The following PLCZ1 variants were observed in gnomAD, a reference collection of about 807,000 sequenced individuals.
PLCZ1 encodes 1-phosphatidylinositol 4,5-bisphosphate phosphodiesterase zeta-1.
Under a neutral mutation model 76.8 loss-of-function variants are expected in PLCZ1, and 64 were observed. The observed-to-expected ratio is 0.83, with a 90% CI of 0.68 to 1.03. The LOEUF (loss-of-function observed/expected upper bound fraction) is 1.03. Ranked by LOEUF, PLCZ1 falls within the 50% of genes least tolerant of loss-of-function variation. The probability of loss-of-function intolerance (pLI) is 0.00; values close to 1 mark genes in which losing one functional copy is unlikely to be tolerated. For missense variants in PLCZ1, 751 were observed against 713.7 expected, an observed-to-expected ratio of 1.05 and a Z score of -0.60; for synonymous variants, 248 against 230.8, an observed-to-expected ratio of 1.07 and a Z score of -0.68.
intron 7 of PLCZ1, among the ~76,000 whole-genome samples, chr12:18,703,786 A>C (rs1050866652): frequency 1.3e-5 from 2 of 152,192 alleles, no homozygotes; most frequent in African/African-American, 4.8e-5. Context: ...TGTGTGTCCC[A>C]GAAAGCTACC....
chr12:18,720,902 T>C (rs1028332045), intron 4 of PLCZ1, among the ~76,000 whole-genome samples: 1 of 152,052 alleles, frequency 6.6e-6, no homozygotes, highest in African/African-American at 2.4e-5. Context: ...TGTAAGTAAA[T>C]GTTATGACAT....
intron 12 of PLCZ1, among the ~76,000 whole-genome samples, chr12:18,690,380 T>C (rs1953890076): frequency 6.6e-6 from 1 of 152,058 alleles, no homozygotes; most frequent in Non-Finnish European, 1.5e-5. Context: ...GATGCCACCA[T>C]GCCCAGCTAA....
chr12:18,701,695 G>T lies in PLCZ1; in HGVS notation c.946C>A (p.Arg316Ser), dbSNP rs751593977. Residue 316 changes from arginine (R) to serine (S), a missense_variant, in exon 8 of 15, where the codon CGT becomes AGT. By Grantham distance (110) the Arg-to-Ser change is moderately radical. Coordinates refer to ENST00000266505, the MANE Select transcript of PLCZ1 (RefSeq NM_033123.4). ...TCTTCCCATTCCTCCACCTTACCAC[G>T]CTTATCAGAACCTTTTCTTTCATGG... is the stretch of plus-strand genomic sequence containing the variant. ...ETHERKGSDK[R>S]GDNQDKETGV... 4.4e-6 allele frequency: 7 copies of T among 1,606,930 alleles called. No individual in the cohort carries two copies. Among genetic ancestry groups the T allele is most frequent in the South Asian group, 2.2e-5 (2 of 90,766 alleles).
rs746786531 is a variant in PLCZ1 at position 18,736,254 on chromosome 12, C to A, written c.102G>T (p.Arg34=). The A allele has an allele frequency of 6.2e-7, 1 of 1,612,726 alleles. No homozygotes were observed. Among genetic ancestry groups the A allele is most frequent in the Non-Finnish European group, 8.5e-7 (1 of 1,179,222 alleles). Residue 34 remains arginine (R), a synonymous_variant, in exon 3 of 15, where the codon CGG becomes CGT. Transcript: ENST00000266505. The part of the protein sequence containing the change: ...TQRLLEKLDI[R]CSYIHVKQIF... Reference sequence around the variant, plus strand: ...TCTGTTTCACATGAATATAACTGCACCGAATATCTAATTTTTCAAGTAACC... The same window carrying A: ...TCTGTTTCACATGAATATAACTGCAACGAATATCTAATTTTTCAAGTAACC...
At chr12:18,736,986 T>TA (rs1248591693) in intron 2 of PLCZ1, among the ~76,000 whole-genome samples, 1 of 152,132 alleles carries the variant, frequency 6.6e-6, no homozygotes, top group East Asian at 1.9e-4. Context: ...TTATCATAGA[T>TA]AAACTACAAA....
chr12:18,659,767 G>T, the PLCZ1 span, among the ~76,000 whole-genome samples: 1 of 150,374 alleles, frequency 6.7e-6, no homozygotes, highest in East Asian at 2.0e-4. Flanking sequence ...TTGGTGTGCT[G>T]CACCCGTTAA....
At chr12:18,705,049 C>T (rs1184138112) in intron 7 of PLCZ1, 117 bp downstream of exon 7, 16 of 1,275,138 alleles carry the variant, frequency 1.3e-5, no homozygotes, top group Admixed American at 1.7e-5. Flanking sequence ...AACCTCTATA[C>T]GTGATCAAAA....
chr12:18,728,892 C>A (rs1289877644), intron 3 of PLCZ1, among the ~76,000 whole-genome samples: 1 of 151,832 alleles, frequency 6.6e-6, no homozygotes, highest in Non-Finnish European at 1.5e-5. Context: ...TGTGGAGGAC[C>A]AACTAAAGTA....
the PLCZ1 span, among the ~76,000 whole-genome samples, chr12:18,661,929 C>G: frequency 0.013 from 2,046 of 152,124 alleles, 54 homozygotes; most frequent in African/African-American, 0.048. Context: ...TGAAATACTA[C>G]ACATCCATAA....
At chr12:18,684,338 G>C (rs1480284067) in intron 13 of PLCZ1, 59 bp from the exon 14 acceptor site, 2 of 1,493,384 alleles carry the variant, frequency 1.3e-6, no homozygotes, top group African/African-American at 2.8e-5. Context: ...GGAAAAAATA[G>C]ATTACATTTG....
At chr12:18,647,799 TA>T in the PLCZ1 span, 3 of 794,914 alleles carry the variant, frequency 3.8e-6, no homozygotes, top group South Asian at 1.0e-4. Context: ...TAATTTTTTT[TA>T]TTAAAAGCAA....
At chr12:18,689,804 T>C (rs945751809) in intron 12 of PLCZ1, among the ~76,000 whole-genome samples, 1 of 152,176 alleles carries the variant, frequency 6.6e-6, no homozygotes, top group African/African-American at 2.4e-5. Context: ...CAATGTCAAA[T>C]GCCTTCATCA....
the PLCZ1 span, among the ~76,000 whole-genome samples, chr12:18,657,809 G>A: frequency 2.6e-5 from 4 of 151,852 alleles, no homozygotes; most frequent in Admixed American, 1.3e-4. Flanking sequence ...AGAAAGTATG[G>A]CCCATACACA....
intron 6 of PLCZ1, among the ~76,000 whole-genome samples, chr12:18,706,948 AG>A (rs1375857812): frequency 6.6e-6 from 1 of 152,198 alleles, no homozygotes. Flanking sequence ...AAGGCACTGA[AG>A]AAGAATCCTC....
intron 7 of PLCZ1, among the ~76,000 whole-genome samples, chr12:18,702,768 T>C (rs1232550593): frequency 1.3e-5 from 2 of 151,892 alleles, no homozygotes. Flanking sequence ...TTAACAAGTC[T>C]CTAGGCAATT....
chr12:18,665,638 C>T, the PLCZ1 span, among the ~76,000 whole-genome samples: 2 of 151,968 alleles, frequency 1.3e-5, no homozygotes, highest in African/African-American at 4.8e-5. Flanking sequence ...ACTGAAAATA[C>T]AAAAATTAGC....
At chr12:18,721,603 T>G (rs933846537) in intron 4 of PLCZ1, among the ~76,000 whole-genome samples, 1 of 151,990 alleles carries the variant, frequency 6.6e-6, no homozygotes, top group African/African-American at 2.4e-5. Context: ...TCTAGATCAG[T>G]GCTACTTAAA....
the PLCZ1 span, among the ~76,000 whole-genome samples, chr12:18,659,194 C>G: frequency 2.0e-5 from 3 of 152,092 alleles, no homozygotes; most frequent in Non-Finnish European, 4.4e-5. Flanking sequence ...TAAAGGTACT[C>G]AAAAACTAGC....
chr12:18,706,186 T>C (rs529360470), intron 6 of PLCZ1, among the ~76,000 whole-genome samples: 14 of 151,524 alleles, frequency 9.2e-5, no homozygotes, highest in Non-Finnish European at 1.9e-4. Context: ...GAGCCGAGAT[T>C]GCACCATTGC....
Sources: gnomAD v4.1 joint callset for allele counts (sites outside exome capture counted in the v4.1 genomes callset) on GRCh38, gnomAD v4.1.1 for gene constraint, MANE v1.5 for transcripts, NCBI Gene and HGNC (gene_info 2026-07-23, HGNC 2026-07-21) for gene names.